C16orf89: variants seen among roughly 807,000 people sequenced by gnomAD.
C16orf89 encodes chromosome 16 open reading frame 89, also known as UPF0764 protein C16orf89.
A neutral mutation model predicts 41.5 loss-of-function variants in C16orf89; 57 were observed. The ratio of observed to expected loss-of-function variants is 1.38; its 90% CI spans 1.11 to 1.71. The LOEUF is 1.71. Among genes scored for constraint, C16orf89 ranks in the 40% most tolerant of loss-of-function variants. C16orf89 has a pLI of 0.00. For missense variants in C16orf89, 575 were observed against 445.9 expected, an observed-to-expected ratio of 1.29 and a Z score of -2.61; for synonymous variants, 223 against 190.6, an observed-to-expected ratio of 1.17 and a Z score of -1.40.
intron 3 of C16orf89, among the ~76,000 whole-genome samples, chr16:5,059,973 A>G (rs1282630230): frequency 6.6e-6 from 1 of 151,978 alleles, no homozygotes; most frequent in Non-Finnish European, 1.5e-5. Context: ...GAGTCTGAAA[A>G]GAGGCCTCTA....
intron 1 of C16orf89, 51 bp from the exon 2 acceptor site, chr16:5,062,625 T>G: frequency 3.3e-6 from 5 of 1,509,328 alleles, no homozygotes; most frequent in Non-Finnish European, 4.5e-6. Context: ...CGGGACCTTT[T>G]TTTGCCTTGG....
intron 7 of C16orf89, 146 bp from the exon 8 acceptor site, chr16:5,044,624 T>G: frequency 2.1e-6 from 3 of 1,439,850 alleles, no homozygotes; most frequent in Non-Finnish European, 2.8e-6. Context: ...GGCGGATCTC[T>G]TGAGATCAGG....
At chr16:5,045,637 G>A (rs1358762108) in intron 7 of C16orf89, among the ~76,000 whole-genome samples, 2 of 152,284 alleles carry the variant, frequency 1.3e-5, no homozygotes, top group African/African-American at 4.8e-5. Flanking sequence ...CAAATACAAT[G>A]GGGAGGGCTT....
chr16:5,052,539 C>T (rs201545837), intron 6 of C16orf89, among the ~76,000 whole-genome samples: 5 of 151,740 alleles, frequency 3.3e-5, no homozygotes, highest in East Asian at 3.9e-4. Flanking sequence ...TGCAGTGAGC[C>T]GAGATCGCAC....
In C16orf89 at chr16:5,060,356, T is replaced by C. The variant is rs1242333739; in HGVS notation, c.439A>G (p.Thr147Ala). 6.2e-7 allele frequency: 1 copy of C among 1,613,528 alleles called. No individual in the cohort carries two copies. Among genetic ancestry groups the C allele is most frequent in the Non-Finnish European group, 8.5e-7 (1 of 1,179,802 alleles). Residue 147 changes from threonine to alanine, a missense_variant, in exon 3 of 8, where the codon ACG becomes GCG. Coordinates refer to ENST00000472572, the MANE Select transcript of C16orf89 (RefSeq NM_001098514.3). Reference sequence around the variant, plus strand: ...GAGAATGAGTCCTGGGGCCCGAACGTGGGGTACACCAAGGAGGCATCAGTG... The same window carrying C: ...GAGAATGAGTCCTGGGGCCCGAACGCGGGGTACACCAAGGAGGCATCAGTG... ...IHTDASLVYP[T>A]FGPQDSFSEE... is the part of the protein sequence containing the mutation.
intron 1 of C16orf89, among the ~76,000 whole-genome samples, chr16:5,064,494 G>T (rs1388897233): frequency 6.6e-6 from 1 of 152,234 alleles, no homozygotes; most frequent in East Asian, 1.9e-4. Context: ...TCCACCAGCT[G>T]CAGCTGAAGG....
Position 5,062,289 on chromosome 16 carries a change from C to T in C16orf89, c.358+136G>A, listed in dbSNP as rs998187258. The T allele has an allele frequency of 9.5e-5, 109 of 1,143,310 alleles. No homozygotes were observed. In the African/African-American group the frequency reaches 1.6e-3, roughly 16 times the overall value. The allele number at this position is 1,143,310 out of a possible 1,614,324, so 70.8% of individuals were successfully genotyped here. Reference sequence around the variant, plus strand: ...GTCCCCAGGGCTCGTCTGTGGCTTGCTCAGCAGACAGGTCCAAGTTGGTTA... The same window carrying T: ...GTCCCCAGGGCTCGTCTGTGGCTTGTTCAGCAGACAGGTCCAAGTTGGTTA... On this transcript the variant is annotated intron_variant, in intron 2 of 7. Coordinates refer to ENST00000472572, the MANE Select transcript of C16orf89 (RefSeq NM_001098514.3).
At position 5,056,152 on chromosome 16, in the gene C16orf89, C is replaced by T. The variant is rs1213994590; in HGVS notation, c.664G>A (p.Asp222Asn). 2 of 1,595,284 alleles carry T rather than the reference C, an allele frequency of 1.3e-6. No individual in the cohort carries two copies. Among genetic ancestry groups the T allele is most frequent in the Non-Finnish European group, 1.7e-6 (2 of 1,164,096 alleles). Residue 222 changes from aspartate (D) to asparagine (N), a missense_variant, in exon 5 of 8, where the codon GAC becomes AAC. Coordinates refer to ENST00000472572, the MANE Select transcript of C16orf89 (RefSeq NM_001098514.3). ...TTGGCGCAGAAGAGGTTGATATAGT[C>T]CTGGCTCTGTTGGAGTGGTCCCTGT... ...CTQGPLQQSQ[D>N]YINLFCANMM... is the part of the protein sequence containing the mutation.
intron 5 of C16orf89, 60 bp downstream of exon 5, chr16:5,055,993 G>A (rs1956493145): frequency 4.7e-6 from 5 of 1,072,238 alleles, no homozygotes; most frequent in Non-Finnish European, 6.7e-6. Flanking sequence ...GTGTGTGTGT[G>A]TGTGTGTTGG....
intron 3 of C16orf89, among the ~76,000 whole-genome samples, chr16:5,059,962 A>G (rs1283687061): frequency 1.3e-5 from 2 of 151,968 alleles, no homozygotes; most frequent in Non-Finnish European, 2.9e-5. Context: ...GAAGCCTTGG[A>G]GAGTCTGAAA....
chr16:5,054,740 C>T (rs749856013), intron 6 of C16orf89, among the ~76,000 whole-genome samples: 10 of 152,100 alleles, frequency 6.6e-5, no homozygotes, highest in Non-Finnish European at 1.0e-4. Context: ...ATCATGGGGG[C>T]CGTTTCCCCC....
intron 3 of C16orf89, among the ~76,000 whole-genome samples, chr16:5,059,520 G>A (rs1481070553): frequency 6.6e-6 from 1 of 152,072 alleles, no homozygotes; most frequent in Non-Finnish European, 1.5e-5. Context: ...CTTGGCTGGG[G>A]CCCAGCCCCT....
At chr16:5,065,398 C>A (rs1177296263) in intron 1 of C16orf89, among the ~76,000 whole-genome samples, 3 of 152,188 alleles carry the variant, frequency 2.0e-5, no homozygotes, top group Non-Finnish European at 4.4e-5. Context: ...TCCCTGCTCC[C>A]CTTGTTCGTG....
chr16:5,052,018 G>T (rs149654487), intron 6 of C16orf89, among the ~76,000 whole-genome samples: 7 of 148,482 alleles, frequency 4.7e-5, no homozygotes, highest in Non-Finnish European at 1.0e-4. Flanking sequence ...CAGGAGAATC[G>T]CTTGAACCCG....
chr16:5,045,148 C>A (rs148347414), intron 7 of C16orf89, among the ~76,000 whole-genome samples: 2 of 152,218 alleles, frequency 1.3e-5, no homozygotes, highest in Non-Finnish European at 2.9e-5. Flanking sequence ...CCTGGCTTAG[C>A]CTGCTTCCCT....
At chr16:5,048,882 A>T (rs1373014798) in intron 6 of C16orf89, among the ~76,000 whole-genome samples, 1 of 152,144 alleles carries the variant, frequency 6.6e-6, no homozygotes, top group East Asian at 1.9e-4. Context: ...ATAACCTTGA[A>T]TGCAAATTGA....
chr16:5,060,213 G>A (rs1194280105), intron 3 of C16orf89, 73 bp downstream of exon 3: 1 of 1,484,284 alleles, frequency 6.7e-7, no homozygotes, highest in African/African-American at 1.4e-5. Context: ...CTTGGAGAAG[G>A]AGGAGCGGGA....
In C16orf89 at chr16:5,055,168, C is replaced by G; in HGVS notation, c.868+78G>C. ...CAACCTTAACACCAATGCATTGTTC[C>G]CACACCTGGCCTAGAAACTCAGAGC... On this transcript the variant is annotated intron_variant, in intron 6 of 7. Transcript: ENST00000472572. The G allele has an allele frequency of 2.4e-6, 3 of 1,253,904 alleles. No homozygotes were observed. In the East Asian group the frequency reaches 7.6e-5, roughly 32 times the overall value. 77.7% of individuals were successfully genotyped at this position (1,253,904 alleles called of 1,614,324 possible).
intron 7 of C16orf89, among the ~76,000 whole-genome samples, chr16:5,045,251 C>T (rs1050456397): frequency 3.3e-5 from 5 of 152,188 alleles, no homozygotes; most frequent in Non-Finnish European, 5.9e-5. Flanking sequence ...CTTGGGTAGC[C>T]GAGCTGAGCC....
Sources: gnomAD v4.1 joint callset for allele counts (sites outside exome capture counted in the v4.1 genomes callset) on GRCh38, gnomAD v4.1.1 for gene constraint, MANE v1.5 for transcripts, NCBI Gene and HGNC (gene_info 2026-07-23, HGNC 2026-07-21) for gene names.